The following SGMS1 variants were observed in gnomAD, a reference collection of about 807,000 sequenced individuals.
SGMS1 encodes phosphatidylcholine:ceramide cholinephosphotransferase 1.
In SGMS1, 13 loss-of-function variants were observed where a neutral mutation model predicts 46.2. The observed-to-expected ratio is 0.28, with a 90% CI of 0.18 to 0.45. The LOEUF (loss-of-function observed/expected upper bound fraction) is 0.45, where lower values mean the gene tolerates loss of function less well. SGMS1 is among the 20% of genes least tolerant of loss of function. The probability of loss-of-function intolerance (pLI) is 1.00; values close to 1 mark genes in which losing one functional copy is unlikely to be tolerated. For missense variants in SGMS1, 324 were observed against 519.9 expected, an observed-to-expected ratio of 0.62 and a Z score of 3.66; for synonymous variants, 203 against 187.8, an observed-to-expected ratio of 1.08 and a Z score of -0.66.
intron 1 of SGMS1, among the ~76,000 whole-genome samples, chr10:50,613,926 G>A (rs1187471932): frequency 1.3e-5 from 2 of 152,158 alleles, no homozygotes; most frequent in African/African-American, 2.4e-5. Context: ...ATGTGACCTC[G>A]TGGCAGCTGG....
intron 6 of SGMS1, among the ~76,000 whole-genome samples, chr10:50,407,494 C>A (rs78369855): frequency 5.3e-5 from 8 of 152,290 alleles, no homozygotes; most frequent in African/African-American, 1.9e-4. Context: ...TCTTTGATAT[C>A]CTTTCTGGTC....
chr10:50,471,192 C>A (rs1370320546), intron 3 of SGMS1, among the ~76,000 whole-genome samples: 1 of 152,176 alleles, frequency 6.6e-6, no homozygotes, highest in Non-Finnish European at 1.5e-5. Flanking sequence ...CAAACAACAT[C>A]TCCTCTCACC....
At chr10:50,410,255 T>C (rs1026205619) in intron 6 of SGMS1, among the ~76,000 whole-genome samples, 12 of 152,258 alleles carry the variant, frequency 7.9e-5, no homozygotes, top group Middle Eastern at 3.4e-3. Context: ...ATGACACTCT[T>C]GTGTTGCAAG....
At chr10:50,457,204 TAAAAATGGATATA>T (rs1364482636) in intron 5 of SGMS1, among the ~76,000 whole-genome samples, 1 of 152,196 alleles carries the variant, frequency 6.6e-6, no homozygotes. Context: ...TTATGCTAAG[TAAAAATGGATATA>T]AAACACTAAG....
intron 6 of SGMS1, among the ~76,000 whole-genome samples, chr10:50,425,747 C>T (rs1203378): frequency 0.86 from 130,792 of 152,224 alleles, 56,314 homozygotes; most frequent in East Asian, 1. Context: ...AAAATAAAAA[C>T]GGAAATTTTT....
Position 50,444,309 on chromosome 10 carries a change from C to A in SGMS1, c.-312-10753G>T, listed in dbSNP as rs142881600. On this transcript the variant is annotated intron_variant, in intron 5 of 10. Transcript: ENST00000361781. The stretch of plus-strand genomic sequence containing the variant: ...ACCAGTAGAAACTCAATACAAAAAC[C>A]AGACAAACATAATAAAAGAAGACTA... Among the ~76,000 whole-genome samples the A allele has an allele frequency of 4.6e-5, 7 of 152,038 alleles. No homozygotes were observed. In the East Asian group the frequency reaches 7.7e-4, roughly 17 times the overall value.
chr10:50,494,806 GCGGGCGGATCACGAGGT>G (rs2133745409), intron 3 of SGMS1, among the ~76,000 whole-genome samples: 1 of 152,198 alleles, frequency 6.6e-6, no homozygotes, highest in African/African-American at 2.4e-5. Context: ...GGAGGCCGAG[GCGGGCGGATCACGAGGT>G]CGGGAGATCG....
At chr10:50,415,767 G>A (rs1849161434) in intron 6 of SGMS1, among the ~76,000 whole-genome samples, 1 of 152,186 alleles carries the variant, frequency 6.6e-6, no homozygotes, top group Admixed American at 6.5e-5. Flanking sequence ...CTCACAGAGT[G>A]TGCCTTTCAT....
At chr10:50,392,539 C>T (rs1848788569) in intron 6 of SGMS1, among the ~76,000 whole-genome samples, 2 of 152,178 alleles carry the variant, frequency 1.3e-5, no homozygotes, top group Non-Finnish European at 2.9e-5. Context: ...TGCATACCAG[C>T]AGAGCTGTCT....
chr10:50,529,214 T>C (rs1837930606), intron 2 of SGMS1, among the ~76,000 whole-genome samples: 1 of 152,200 alleles, frequency 6.6e-6, no homozygotes, highest in Admixed American at 6.5e-5. Flanking sequence ...TTGTAAACAT[T>C]TTTGTTTATG....
chr10:50,596,708 A>G (rs1200771966), intron 1 of SGMS1, among the ~76,000 whole-genome samples: 2 of 152,284 alleles, frequency 1.3e-5, no homozygotes, highest in Non-Finnish European at 2.9e-5. Flanking sequence ...TGAAGAACAC[A>G]GAAGCAGCTA....
chr10:50,454,428 G>A (rs1049695399), intron 5 of SGMS1, among the ~76,000 whole-genome samples: 1 of 152,124 alleles, frequency 6.6e-6, no homozygotes, highest in African/African-American at 2.4e-5. Context: ...TGGTGATAGA[G>A]TAGTGAAAAG....
intron 3 of SGMS1, among the ~76,000 whole-genome samples, chr10:50,514,633 G>A (rs150429214): frequency 6.6e-6 from 1 of 152,276 alleles, no homozygotes; most frequent in East Asian, 1.9e-4. Flanking sequence ...CCATTATTCT[G>A]CTACCACAAT....
chr10:50,361,389 A>G (rs1848245477), intron 6 of SGMS1, among the ~76,000 whole-genome samples: 1 of 152,162 alleles, frequency 6.6e-6, no homozygotes, highest in African/African-American at 2.4e-5. Context: ...CGAGGAAGTC[A>G]TTCCATCAGG....
At chr10:50,625,064 C>T (rs758311503), upstream of SGMS1, 475 of 994,938 alleles carry the variant, frequency 4.8e-4, no homozygotes, top group Non-Finnish European at 5.4e-4. Context: ...CTCTGGCCAC[C>T]GCTCGGCACC....
At chr10:50,534,960 GT>G (rs1252343504) in intron 2 of SGMS1, among the ~76,000 whole-genome samples, 1 of 152,188 alleles carries the variant, frequency 6.6e-6, no homozygotes, top group Non-Finnish European at 1.5e-5. Context: ...TTGGCCAGAT[GT>G]GGTGACTCAT....
intron 2 of SGMS1, among the ~76,000 whole-genome samples, chr10:50,531,234 T>C (rs1002821792): frequency 5.9e-5 from 9 of 152,338 alleles, no homozygotes; most frequent in African/African-American, 1.9e-4. Flanking sequence ...ATCACCCATG[T>C]GTGCTCATGG....
chr10:50,351,488 C>T (rs756136916), intron 6 of SGMS1, among the ~76,000 whole-genome samples: 13 of 152,136 alleles, frequency 8.5e-5, no homozygotes, highest in African/African-American at 1.7e-4. Flanking sequence ...TGTGTGCCCA[C>T]GCAAATCTCA....
chr10:50,337,562 A>C (rs1047673127), intron 7 of SGMS1, among the ~76,000 whole-genome samples: 1 of 152,182 alleles, frequency 6.6e-6, no homozygotes, highest in Non-Finnish European at 1.5e-5. Context: ...GTCATAAACT[A>C]CCTTTGGGAA....
Sources: allele counts gnomAD v4.1 joint callset (sites outside exome capture counted in the v4.1 genomes callset), GRCh38; gene constraint gnomAD v4.1.1; transcripts MANE v1.5; gene names NCBI Gene and HGNC (gene_info 2026-07-23, HGNC 2026-07-21).